FBXL17: variants seen among roughly 807,000 people sequenced by gnomAD.
The protein encoded by FBXL17 is F-box and leucine rich repeat protein 17, also known as F-box/LRR-repeat protein 17.
FBXL17 carries 22 observed loss-of-function variants against 66.2 expected under a neutral mutation model. That is an observed-to-expected ratio of 0.33 (90% CI 0.24 to 0.47). FBXL17 has a LOEUF of 0.47. Among genes scored for constraint, FBXL17 ranks in the 20% least tolerant of loss-of-function variants. The probability of loss-of-function intolerance (pLI) is 1.00; values close to 1 mark genes in which losing one functional copy is unlikely to be tolerated. For missense variants in FBXL17, 878 were observed against 948.2 expected (o/e 0.93, Z 0.97); for synonymous variants, 474 against 400.5 (o/e 1.18, Z -2.19).
At chr5:107,915,986 G>T (rs115877018) in intron 7 of FBXL17, among the ~76,000 whole-genome samples, 74 of 152,262 alleles carry the variant, frequency 4.9e-4, no homozygotes, top group Middle Eastern at 3.4e-3. Flanking sequence ...ACTGTATAAA[G>T]ATTCATTTAA....
At chr5:108,160,538 C>T (rs1040525250) in intron 6 of FBXL17, among the ~76,000 whole-genome samples, 1 of 151,966 alleles carries the variant, frequency 6.6e-6, no homozygotes, top group Non-Finnish European at 1.5e-5. Flanking sequence ...AATGAGCAAC[C>T]AATAAGAAGA....
intron 1 of FBXL17, among the ~76,000 whole-genome samples, chr5:108,379,877 A>C (rs992250481): frequency 2.0e-5 from 3 of 152,224 alleles, no homozygotes; most frequent in Non-Finnish European, 4.4e-5. Flanking sequence ...CCCAACAAAA[A>C]ATACATCTGT....
intron 4 of FBXL17, among the ~76,000 whole-genome samples, chr5:108,314,595 T>C (rs1759271468): frequency 6.6e-6 from 1 of 151,454 alleles, no homozygotes; most frequent in South Asian, 2.1e-4. Flanking sequence ...AGATTAATAC[T>C]GCGTTCAAAA....
intron 6 of FBXL17, among the ~76,000 whole-genome samples, chr5:108,068,736 C>T (rs1408640587): frequency 6.6e-6 from 1 of 152,238 alleles, no homozygotes; most frequent in East Asian, 1.9e-4. Context: ...GGATTACAGG[C>T]GTGAGCCACT....
intron 7 of FBXL17, among the ~76,000 whole-genome samples, chr5:108,002,090 A>G (rs142092552): frequency 0.024 from 3,708 of 151,886 alleles, 145 homozygotes; most frequent in African/African-American, 0.079. Context: ...ATCTCAGCTC[A>G]CTGCAACCTC....
At chr5:108,035,347 A>G (rs1470180125) in intron 6 of FBXL17, among the ~76,000 whole-genome samples, 1 of 152,068 alleles carries the variant, frequency 6.6e-6, no homozygotes, top group Non-Finnish European at 1.5e-5. Context: ...TGGGAGAGGA[A>G]GAATTTTTTG....
chr5:107,900,923 T>C (rs1749553041), intron 7 of FBXL17, among the ~76,000 whole-genome samples: 1 of 152,126 alleles, frequency 6.6e-6, no homozygotes, highest in African/African-American at 2.4e-5. Flanking sequence ...CCAGAGACAG[T>C]ATTACATTTC....
chr5:108,310,164 C>T lies in FBXL17; in HGVS notation c.1506+38235G>A, dbSNP rs557477903. On this transcript the variant is annotated intron_variant, in intron 4 of 8. Transcript: ENST00000542267. ...ACCAGGATTTTCTGGCATAATATTT[C>T]CTATACAAGATCACAGTTCTACAAT... Among the ~76,000 whole-genome samples the T allele has an allele frequency of 5.6e-4, 85 of 152,176 alleles. 1 individual carries two copies. Among genetic ancestry groups the T allele is most frequent in the African/African-American group, 1.9e-3 (77 of 41,540 alleles).
At chr5:108,154,604 A>ATATAT (rs547062771) in intron 6 of FBXL17, among the ~76,000 whole-genome samples, 9 of 72,586 alleles carry the variant, frequency 1.2e-4, no homozygotes, top group African/African-American at 4.0e-4. Flanking sequence ...AAAAAAAAAA[A>ATATAT]AAATATATAT....
intron 5 of FBXL17, among the ~76,000 whole-genome samples, chr5:108,208,156 AT>A (rs1754208460): frequency 6.6e-6 from 1 of 151,978 alleles, no homozygotes; most frequent in African/African-American, 2.4e-5. Context: ...CCACTTTTTG[AT>A]GGAGTTGTTC....
intron 6 of FBXL17, among the ~76,000 whole-genome samples, chr5:108,072,207 T>G (rs1415129052): frequency 1.3e-5 from 2 of 152,160 alleles, no homozygotes; most frequent in African/African-American, 4.8e-5. Context: ...TCTATCTTCC[T>G]CATACTTAAC....
intron 6 of FBXL17, among the ~76,000 whole-genome samples, chr5:108,118,253 T>A (rs777457199): frequency 6.6e-6 from 1 of 152,210 alleles, no homozygotes; most frequent in Admixed American, 6.5e-5. Flanking sequence ...ATCTTCAGAT[T>A]CAAACCCAAC....
chr5:108,050,666 A>G (rs1417778987), intron 6 of FBXL17, among the ~76,000 whole-genome samples: 1 of 152,120 alleles, frequency 6.6e-6, no homozygotes, highest in Non-Finnish European at 1.5e-5. Context: ...GGGCAAACCA[A>G]TCCCAAACCT....
chr5:108,047,021 G>A (rs1747277582), intron 6 of FBXL17, among the ~76,000 whole-genome samples: 1 of 152,068 alleles, frequency 6.6e-6, no homozygotes, highest in Admixed American at 6.5e-5. Flanking sequence ...TGGATTGGGT[G>A]GGGCCAAGAT....
In FBXL17 at chr5:108,151,396, A is replaced by T. The variant is rs78912391; in HGVS notation, c.1745+34721T>A. Among the ~76,000 whole-genome samples, 1,201 of 152,192 alleles carry T rather than the reference A, an allele frequency of 7.9e-3. 16 individuals are homozygous for T. Among genetic ancestry groups the T allele is most frequent in the African/African-American group, 0.026 (1,098 of 41,528 alleles). ...GGACAATCTGTCAATCAAACTCCTA[A>T]CTTGTCCCAAAAAAGAGTTTTACAA... is the stretch of plus-strand genomic sequence containing the variant. On this transcript the variant is annotated intron_variant, in intron 6 of 8. Transcript: ENST00000542267.
intron 1 of FBXL17, among the ~76,000 whole-genome samples, chr5:108,378,145 A>C (rs1452876836): frequency 6.6e-6 from 1 of 152,136 alleles, no homozygotes; most frequent in Non-Finnish European, 1.5e-5. Flanking sequence ...CCTATATAAA[A>C]GAGAAACATC....
chr5:108,038,167 A>T (rs1746916709), intron 6 of FBXL17, among the ~76,000 whole-genome samples: 1 of 152,158 alleles, frequency 6.6e-6, no homozygotes, highest in East Asian at 1.9e-4. Flanking sequence ...CACTTGACCT[A>T]ACTTGGATCC....
At chr5:108,163,253 T>C (rs1347295190) in intron 6 of FBXL17, among the ~76,000 whole-genome samples, 2 of 152,164 alleles carry the variant, frequency 1.3e-5, no homozygotes, top group African/African-American at 4.8e-5. Flanking sequence ...CTCCTTACCA[T>C]TTATTCATAA....
chr5:108,253,647 G>A (rs1415848455), intron 4 of FBXL17, among the ~76,000 whole-genome samples: 2 of 152,038 alleles, frequency 1.3e-5, no homozygotes, highest in Admixed American at 1.3e-4. Context: ...GGGATAATTA[G>A]AACTAACAAT....
Sources: allele counts gnomAD v4.1 joint callset (sites outside exome capture counted in the v4.1 genomes callset), GRCh38; gene constraint gnomAD v4.1.1; transcripts MANE v1.5; gene names NCBI Gene and HGNC (gene_info 2026-07-23, HGNC 2026-07-21).